CAMK1D: variants seen among roughly 807,000 people sequenced by gnomAD.
CAMK1D encodes calcium/calmodulin-dependent protein kinase type 1D.
In CAMK1D, 9 loss-of-function variants were observed where a neutral mutation model predicts 47.7. That is an observed-to-expected ratio of 0.19 (90% CI 0.11 to 0.33). The LOEUF is 0.33. Among genes scored for constraint, CAMK1D ranks in the 10% least tolerant of loss-of-function variants. The pLI is 1.00. For synonymous variants in CAMK1D, 184 were observed against 184.9 expected, an observed-to-expected ratio of 0.99 and a Z score of 0.04; for missense variants, 291 against 488.7, an observed-to-expected ratio of 0.60 and a Z score of 3.81.
At chr10:12,599,653 C>T (rs1022104442) in intron 2 of CAMK1D, among the ~76,000 whole-genome samples, 1 of 152,194 alleles carries the variant, frequency 6.6e-6, no homozygotes, top group African/African-American at 2.4e-5. Context: ...AGCAGTCCTA[C>T]CACTTTGGCC....
At chr10:12,369,415 A>G (rs757370456) in intron 1 of CAMK1D, among the ~76,000 whole-genome samples, 1 of 152,220 alleles carries the variant, frequency 6.6e-6, no homozygotes, top group Non-Finnish European at 1.5e-5. Flanking sequence ...TTGGGGAGAC[A>G]GAAAAACATG....
At chr10:12,449,263 C>T (rs1833010932) in intron 1 of CAMK1D, among the ~76,000 whole-genome samples, 1 of 152,060 alleles carries the variant, frequency 6.6e-6, no homozygotes. Context: ...CGTAGAACCT[C>T]CCCAAGCTGA....
intron 2 of CAMK1D, among the ~76,000 whole-genome samples, chr10:12,557,108 C>T (rs2182699): frequency 0.31 from 47,286 of 151,814 alleles, 7,354 homozygotes; most frequent in Middle Eastern, 0.43. Context: ...AATACCAGAG[C>T]GGGAGGGCAG....
At chr10:12,467,154 A>T (rs909708293) in intron 1 of CAMK1D, among the ~76,000 whole-genome samples, 1 of 151,888 alleles carries the variant, frequency 6.6e-6, no homozygotes, top group Non-Finnish European at 1.5e-5. Context: ...GTCCACTCTC[A>T]TGTTTTCTTT....
chr10:12,507,689 T>C (rs956026029), intron 1 of CAMK1D, among the ~76,000 whole-genome samples: 1 of 152,176 alleles, frequency 6.6e-6, no homozygotes, highest in Admixed American at 6.5e-5. Context: ...TTTGCGTTTC[T>C]TGAAAACCAC....
intron 8 of CAMK1D, 63 bp downstream of exon 8, chr10:12,816,391 C>A (rs1475994665): frequency 8.4e-6 from 11 of 1,313,314 alleles, no homozygotes; most frequent in South Asian, 5.0e-5. Context: ...GGGCACGAAA[C>A]TTCCTGTTGG....
chr10:12,535,540 T>C (rs1382380736), intron 1 of CAMK1D, among the ~76,000 whole-genome samples: 2 of 152,196 alleles, frequency 1.3e-5, no homozygotes, highest in African/African-American at 4.8e-5. Context: ...TTATTAAAAC[T>C]GTCTGGCCAG....
chr10:12,511,067 G>C (rs1835025054), intron 1 of CAMK1D, among the ~76,000 whole-genome samples: 1 of 152,168 alleles, frequency 6.6e-6, no homozygotes, highest in East Asian at 1.9e-4. Flanking sequence ...GCATTCAGTG[G>C]CCTGCTTTGT....
intron 1 of CAMK1D, among the ~76,000 whole-genome samples, chr10:12,351,210 G>C (rs911681372): frequency 6.6e-6 from 1 of 152,210 alleles, no homozygotes; most frequent in African/African-American, 2.4e-5. Flanking sequence ...CTGAGGACTA[G>C]AGTGGGGTCT....
chr10:12,352,435 C>T (rs189672244), intron 1 of CAMK1D, among the ~76,000 whole-genome samples: 7 of 151,822 alleles, frequency 4.6e-5, no homozygotes, highest in South Asian at 2.1e-4. Context: ...ATGGTGAAAC[C>T]CTGTTGCTAC....
chr10:12,378,154 C>A (rs972692118), intron 1 of CAMK1D, among the ~76,000 whole-genome samples: 2 of 152,266 alleles, frequency 1.3e-5, no homozygotes, highest in Non-Finnish European at 2.9e-5. Context: ...GGCGTTCACC[C>A]TGCCTGGCTG....
At chr10:12,770,142 A>C (rs2130932272) in intron 5 of CAMK1D, among the ~76,000 whole-genome samples, 1 of 152,328 alleles carries the variant, frequency 6.6e-6, no homozygotes, top group African/African-American at 2.4e-5. Flanking sequence ...ATTTACAATG[A>C]GACACTGAGA....
chr10:12,502,942 C>G (rs1834749987), intron 1 of CAMK1D, among the ~76,000 whole-genome samples: 1 of 152,252 alleles, frequency 6.6e-6, no homozygotes, highest in African/African-American at 2.4e-5. Flanking sequence ...GGTGGCGTCT[C>G]CACGTTCTCC....
chr10:12,632,309 A>C (rs1034497445), intron 2 of CAMK1D, among the ~76,000 whole-genome samples: 3 of 152,204 alleles, frequency 2.0e-5, no homozygotes, highest in African/African-American at 7.2e-5. Flanking sequence ...CTAGGGAATG[A>C]GACTTCCAGG....
At chr10:12,359,104 G>A (rs914222716) in intron 1 of CAMK1D, among the ~76,000 whole-genome samples, 4 of 152,154 alleles carry the variant, frequency 2.6e-5, no homozygotes, top group African/African-American at 7.2e-5. Flanking sequence ...CACGGATATG[G>A]GTGGAAATCC....
intron 1 of CAMK1D, among the ~76,000 whole-genome samples, chr10:12,469,397 A>G (rs1429913114): frequency 2.7e-5 from 4 of 146,296 alleles, no homozygotes; most frequent in African/African-American, 1.0e-4. Context: ...CCTTTCTTCC[A>G]AGCGAGGCCT....
chr10:12,807,394 C>T (rs1486052694), intron 6 of CAMK1D, among the ~76,000 whole-genome samples: 1 of 151,426 alleles, frequency 6.6e-6, no homozygotes, highest in African/African-American at 2.4e-5. Context: ...GAGATCTCTC[C>T]TCCCGGCCCA....
In CAMK1D at chr10:12,825,573, C is replaced by G. The variant is rs186526367; in HGVS notation, c.922C>G (p.Gln308Glu). Residue 308 changes from glutamine (Q) to glutamate (E), a missense_variant and splice_region_variant, in exon 10 of 11, where the codon CAA (glutamine) becomes GAA (glutamate). Around this residue, in one of 2 missense-constraint regions of CAMK1D, gnomAD observed 219 missense variants for 424.3 expected, o/e 0.52. Coordinates refer to ENST00000619168, the MANE Select transcript of CAMK1D (RefSeq NM_153498.4). ...RKNFAKSKWRQAFNATAVVRH... is the reference protein window; with the variant it reads ...RKNFAKSKWREAFNATAVVRH... ...GCTTTTTTCCTTTCTGAAATTTCAG[C>G]AAGCATTTAATGCCACGGCCGTCGT... 1 of 1,600,840 alleles carries G rather than the reference C, an allele frequency of 6.2e-7. No homozygotes were observed. The highest frequency in any genetic ancestry group is 8.5e-7 in the Non-Finnish European group (1 of 1,175,756).
At chr10:12,640,541 A>T (rs969587810) in intron 2 of CAMK1D, among the ~76,000 whole-genome samples, 1 of 152,194 alleles carries the variant, frequency 6.6e-6, no homozygotes, top group Non-Finnish European at 1.5e-5. Context: ...AATAACAGCT[A>T]TGAAATTTCA....
Sources: gnomAD v4.1 joint callset for allele counts (sites outside exome capture counted in the v4.1 genomes callset) on GRCh38, gnomAD v4.1.1 for gene constraint, gnomAD v4.1.1 regional missense constraint, MANE v1.5 for transcripts, NCBI Gene and HGNC (gene_info 2026-07-23, HGNC 2026-07-21) for gene names.